CTNNBL1: variants seen among roughly 807,000 people sequenced by gnomAD.
CTNNBL1 encodes the protein catenin beta like 1, also known as beta-catenin-like protein 1.
In CTNNBL1, 31 loss-of-function variants were observed where a neutral mutation model predicts 72.7. The ratio of observed to expected loss-of-function variants is 0.43; its 90% CI spans 0.32 to 0.58. CTNNBL1 has a LOEUF of 0.58. CTNNBL1 is among the 20% of genes least tolerant of loss of function. The pLI is 0.08. For missense variants in CTNNBL1, 534 were observed against 725.1 expected, an observed-to-expected ratio of 0.74 and a Z score of 3.03; for synonymous variants, 240 against 267.3, an observed-to-expected ratio of 0.90 and a Z score of 1.00.
At chr20:37,738,730 T>C (rs2073190198) in intron 3 of CTNNBL1, among the ~76,000 whole-genome samples, 1 of 152,196 alleles carries the variant, frequency 6.6e-6, no homozygotes, top group African/African-American at 2.4e-5. Context: ...AGTTGGGGGC[T>C]ATTGAGGGTG....
chr20:37,752,819 C>T (rs758982688), intron 4 of CTNNBL1, among the ~76,000 whole-genome samples: 30 of 152,032 alleles, frequency 2.0e-4, no homozygotes, highest in Non-Finnish European at 3.7e-4. Context: ...AGAGGGAGTG[C>T]GTGGGTGGCC....
chr20:37,745,492 G>A (rs1187293092), intron 3 of CTNNBL1, among the ~76,000 whole-genome samples: 1 of 152,198 alleles, frequency 6.6e-6, no homozygotes, highest in East Asian at 1.9e-4. Context: ...TTATATGGTA[G>A]ACATTGTTCT....
intron 10 of CTNNBL1, among the ~76,000 whole-genome samples, chr20:37,788,920 C>A (rs1273131244): frequency 6.6e-6 from 1 of 152,188 alleles, no homozygotes; most frequent in Non-Finnish European, 1.5e-5. Flanking sequence ...TTCCTGTGTT[C>A]AAACTGTCTG....
intron 1 of CTNNBL1, among the ~76,000 whole-genome samples, chr20:37,729,391 A>G (rs2073111237): frequency 6.6e-6 from 1 of 152,244 alleles, no homozygotes; most frequent in South Asian, 2.1e-4. Flanking sequence ...ATGGGAATTT[A>G]ATAAATGAAA....
intron 5 of CTNNBL1, among the ~76,000 whole-genome samples, chr20:37,764,318 T>C (rs1454279932): frequency 6.6e-6 from 1 of 152,176 alleles, no homozygotes; most frequent in East Asian, 1.9e-4. Flanking sequence ...GATAGAAAAC[T>C]AGATGTTTCC....
chr20:37,845,392 G>A (rs948299428), intron 13 of CTNNBL1, among the ~76,000 whole-genome samples: 3 of 152,232 alleles, frequency 2.0e-5, no homozygotes, highest in Non-Finnish European at 4.4e-5. Flanking sequence ...CACTCTCCCA[G>A]CATTCACAGA....
chr20:37,732,872 C>T lies in CTNNBL1; in HGVS notation c.31-7C>T, dbSNP rs746181051. On this transcript the variant is annotated splice_region_variant and splice_polypyrimidine_tract_variant and intron_variant, in intron 1 of 15. Transcript: ENST00000361383. ...AGCTCTAAAATCTTATGTTTCTTTT[C>T]TCTCAGCCCAATAGGGGCACAAAAC... 2 of 1,611,366 alleles carry T rather than the reference C, an allele frequency of 1.2e-6. No homozygotes were observed. The highest frequency in any genetic ancestry group is 3.4e-5 in the Admixed American group (2 of 59,672).
Position 37,802,941 on chromosome 20 carries a change from A to G in CTNNBL1, c.1106A>G (p.Asn369Ser). The G allele has an allele frequency of 3.1e-6, 5 of 1,614,144 alleles. No homozygotes were observed. The highest frequency in any genetic ancestry group is 4.2e-6 in the Non-Finnish European group (5 of 1,180,018). The change falls in exon 11 of 16, where the codon AAC becomes AGC. Residue 369 changes from asparagine (N) to serine (S), a missense_variant. Coordinates refer to ENST00000361383, the MANE Select transcript of CTNNBL1 (RefSeq NM_030877.5). The part of the protein sequence containing the change: ...HAMIGPEGTD[N>S]CHKFVDILGL... ...ATGATTGGCCCCGAAGGCACAGACA[A>G]CTGCCATAAGTTTGTTGACATTCTT...
At chr20:37,776,210 T>G (rs983008882) in intron 7 of CTNNBL1, among the ~76,000 whole-genome samples, 1 of 152,200 alleles carries the variant, frequency 6.6e-6, no homozygotes, top group African/African-American at 2.4e-5. Flanking sequence ...CATTTATAGA[T>G]CTTTTAACCT....
chr20:37,763,403 T>C (rs1349788046), intron 5 of CTNNBL1, among the ~76,000 whole-genome samples: 1 of 152,178 alleles, frequency 6.6e-6, no homozygotes, highest in Non-Finnish European at 1.5e-5. Context: ...GCATCAGTGT[T>C]TCTTCAAATA....
At chr20:37,715,455 T>A (rs2072977796) in intron 1 of CTNNBL1, among the ~76,000 whole-genome samples, 1 of 152,196 alleles carries the variant, frequency 6.6e-6, no homozygotes, top group Non-Finnish European at 1.5e-5. Context: ...GATAATCGTT[T>A]GGTGAGGAAG....
chr20:37,854,697 T>A (rs2072424573), intron 13 of CTNNBL1, among the ~76,000 whole-genome samples: 1 of 151,824 alleles, frequency 6.6e-6, no homozygotes, highest in African/African-American at 2.4e-5. Flanking sequence ...CAAGTGATTC[T>A]CCTGCCTCAG....
chr20:37,731,339 G>A (rs1013188193), intron 1 of CTNNBL1, among the ~76,000 whole-genome samples: 7 of 151,972 alleles, frequency 4.6e-5, no homozygotes, highest in Non-Finnish European at 7.4e-5. Flanking sequence ...GGGTTCAAGC[G>A]ATTCTCCTGC....
At chr20:37,741,778 G>A (rs2073217816) in intron 3 of CTNNBL1, among the ~76,000 whole-genome samples, 1 of 152,150 alleles carries the variant, frequency 6.6e-6, no homozygotes, top group African/African-American at 2.4e-5. Flanking sequence ...ATTTCTCACG[G>A]TATCTTGTTA....
chr20:37,708,532 G>A (rs1280352501), intron 1 of CTNNBL1, among the ~76,000 whole-genome samples: 1 of 152,060 alleles, frequency 6.6e-6, no homozygotes, highest in Non-Finnish European at 1.5e-5. Flanking sequence ...CACAGTATCT[G>A]CAAAGGGGGA....
chr20:37,812,248 C>G (rs1180846574), intron 11 of CTNNBL1, among the ~76,000 whole-genome samples: 1 of 152,192 alleles, frequency 6.6e-6, no homozygotes, highest in Non-Finnish European at 1.5e-5. Flanking sequence ...AGGTAGCATT[C>G]AATATGGTAA....
intron 3 of CTNNBL1, among the ~76,000 whole-genome samples, chr20:37,741,589 A>G (rs569504248): frequency 1.3e-5 from 2 of 152,350 alleles, no homozygotes; most frequent in East Asian, 1.9e-4. Context: ...GATTATTTAT[A>G]TTTAATGGAG....
At chr20:37,772,050 C>G (rs1265621787) in intron 7 of CTNNBL1, among the ~76,000 whole-genome samples, 1 of 152,202 alleles carries the variant, frequency 6.6e-6, no homozygotes, top group Non-Finnish European at 1.5e-5. Flanking sequence ...CTGTGTGATG[C>G]TCGCCCTCAT....
chr20:37,822,185 G>A (rs1030269308), intron 11 of CTNNBL1, among the ~76,000 whole-genome samples: 1 of 152,202 alleles, frequency 6.6e-6, no homozygotes, highest in African/African-American at 2.4e-5. Context: ...GGCTACCAGG[G>A]TGATGTCAGA....
Sources: gnomAD v4.1 joint callset for allele counts (sites outside exome capture counted in the v4.1 genomes callset) on GRCh38, gnomAD v4.1.1 for gene constraint, MANE v1.5 for transcripts, NCBI Gene and HGNC (gene_info 2026-07-23, HGNC 2026-07-21) for gene names.